Variants in CECR2 observed in about 807,000 individuals in gnomAD.
The protein encoded by CECR2 is chromatin remodeling regulator CECR2.
A neutral mutation model predicts 154.5 loss-of-function variants in CECR2; 30 were observed. The observed-to-expected ratio is 0.19, with a 90% CI of 0.15 to 0.26. CECR2 has a LOEUF of 0.26. Among genes scored for constraint, CECR2 ranks in the 10% least tolerant of loss-of-function variants. The pLI is 1.00. For synonymous variants in CECR2, 725 were observed against 683.7 expected, an observed-to-expected ratio of 1.06 and a Z score of -0.94; for missense variants, 1,743 against 1,829.3, an observed-to-expected ratio of 0.95 and a Z score of 0.86.
chr22:17,441,398 A>G (rs1008581098), intron 1 of CECR2, among the ~76,000 whole-genome samples: 3 of 152,236 alleles, frequency 2.0e-5, no homozygotes, highest in Admixed American at 6.5e-5. Context: ...CTAGGCTGAT[A>G]ATCTTAACAC....
intron 1 of CECR2, among the ~76,000 whole-genome samples, chr22:17,408,571 C>T (rs2054019803): frequency 6.6e-6 from 1 of 152,154 alleles, no homozygotes; most frequent in Admixed American, 6.5e-5. Flanking sequence ...TGCTTTCTCA[C>T]CCAAGATGTT....
intron 1 of CECR2, among the ~76,000 whole-genome samples, chr22:17,405,744 C>T (rs2053975129): frequency 6.6e-6 from 1 of 152,024 alleles, no homozygotes; most frequent in Non-Finnish European, 1.5e-5. Context: ...AAACTCCCCC[C>T]TTTTAGCAAC....
Position 17,553,980 on chromosome 22 carries a change from G to A in CECR2, c.*1140G>A, listed in dbSNP as rs1411796336. On this transcript the variant is annotated 3_prime_UTR_variant, in exon 19 of 19. Coordinates refer to ENST00000262608, the MANE Select transcript of CECR2 (RefSeq NM_001290047.2). The stretch of plus-strand genomic sequence containing the variant: ...CTATAGATTTACAGTTTGAATTTAG[G>A]AATATTTCAGTATATATAGTTTTTA... 1.3e-4 allele frequency: 20 copies of A among 152,174 alleles called. No individual in the cohort carries two copies. The highest frequency in any genetic ancestry group is 2.6e-4 in the Non-Finnish European group (18 of 68,038). The allele number at this position is 152,174 out of a possible 1,614,324, so 9.4% of individuals were successfully genotyped here. A position where few individuals can be genotyped will look rare whatever the true frequency, so the allele number is the denominator to read the frequency against.
intron 1 of CECR2, among the ~76,000 whole-genome samples, chr22:17,471,791 T>A (rs1016824845): frequency 6.6e-6 from 1 of 152,124 alleles, no homozygotes; most frequent in Admixed American, 6.6e-5. Flanking sequence ...TGCCTCAGCC[T>A]CCCAAAGTGC....
chr22:17,549,449 C>G lies in CECR2; in HGVS notation c.4162C>G (p.Pro1388Ala). ...GCCCAACGGCCTCTCTCAGGAGGGT[C>G]CCATCTATCGCTGCCAGGAAGAAGG... is the stretch of plus-strand genomic sequence containing the variant. Reference protein sequence around the residue: ...TQPNGLSQEGPIYRCQEEGLG... With the variant: ...TQPNGLSQEGAIYRCQEEGLG... The change falls in exon 17 of 19, where the codon CCC (proline) becomes GCC (alanine). Residue 1388 changes from proline (P) to alanine (A), a missense_variant. Physicochemically the swap from Pro to Ala is conservative, Grantham distance 27. Transcript: ENST00000262608. 1 of 1,612,492 alleles carries G rather than the reference C, an allele frequency of 6.2e-7. No individual in the cohort carries two copies. The highest frequency in any genetic ancestry group is 8.5e-7 in the Non-Finnish European group (1 of 1,179,244).
intron 1 of CECR2, among the ~76,000 whole-genome samples, chr22:17,385,898 T>G (rs1217416101): frequency 6.6e-6 from 1 of 152,040 alleles, no homozygotes; most frequent in African/African-American, 2.4e-5. Context: ...GAAGAAAGAG[T>G]AGGTGGGACT....
At chr22:17,392,856 A>G (rs2063340122) in intron 1 of CECR2, among the ~76,000 whole-genome samples, 1 of 152,128 alleles carries the variant, frequency 6.6e-6, no homozygotes, top group African/African-American at 2.4e-5. Context: ...CCTGGCCAAC[A>G]TGGTGAAACC....
At chr22:17,379,948 G>GTCCATCTCCAAGTCCTTCTTT (rs2063167342) in intron 1 of CECR2, among the ~76,000 whole-genome samples, 1 of 152,118 alleles carries the variant, frequency 6.6e-6, no homozygotes, top group Non-Finnish European at 1.5e-5. Flanking sequence ...TTCATTGAAT[G>GTCCATCTCCAAGTCCTTCTTT]TCCATCTCCA....
intron 1 of CECR2, among the ~76,000 whole-genome samples, chr22:17,465,674 G>A (rs1331808623): frequency 6.6e-6 from 1 of 151,872 alleles, no homozygotes; most frequent in Non-Finnish European, 1.5e-5. Flanking sequence ...TAGTAGAGAC[G>A]GGGTTTCACC....
chr22:17,480,428 A>ACACACACT (rs2055287829), intron 2 of CECR2, among the ~76,000 whole-genome samples: 1 of 130,202 alleles, frequency 7.7e-6, no homozygotes, highest in South Asian at 2.3e-4. Context: ...ATACACACAC[A>ACACACACT]CACACACACA....
chr22:17,517,207 A>G (rs1313774906), intron 8 of CECR2, among the ~76,000 whole-genome samples: 1 of 152,202 alleles, frequency 6.6e-6, no homozygotes, highest in Non-Finnish European at 1.5e-5. Flanking sequence ...TGTGTGGCAC[A>G]TCCCCCATCG....
chr22:17,382,178 C>T (rs2063205278), intron 1 of CECR2, among the ~76,000 whole-genome samples: 1 of 151,878 alleles, frequency 6.6e-6, no homozygotes, highest in Non-Finnish European at 1.5e-5. Context: ...GCGTGAGCCA[C>T]TGTGCCCGGC....
At chr22:17,486,889 C>G (rs2055430964) in intron 2 of CECR2, among the ~76,000 whole-genome samples, 1 of 152,104 alleles carries the variant, frequency 6.6e-6, no homozygotes, top group Admixed American at 6.5e-5. Context: ...ACACAAATCG[C>G]TGGGCCTCAC....
intron 14 of CECR2, among the ~76,000 whole-genome samples, chr22:17,541,147 A>G (rs1433896471): frequency 6.6e-6 from 1 of 152,164 alleles, no homozygotes; most frequent in Non-Finnish European, 1.5e-5. Context: ...AATGTGGGCA[A>G]AAATTGGGAT....
At chr22:17,389,354 C>T (rs1297027082) in intron 1 of CECR2, among the ~76,000 whole-genome samples, 1 of 152,166 alleles carries the variant, frequency 6.6e-6, no homozygotes, top group Non-Finnish European at 1.5e-5. Flanking sequence ...TGCCTGCCTG[C>T]CTGTCCGGCT....
intron 17 of CECR2, 27 bp downstream of exon 17, chr22:17,549,591 C>T: frequency 6.7e-7 from 1 of 1,486,640 alleles, no homozygotes; most frequent in Non-Finnish European, 9.1e-7. Flanking sequence ...GCTTTTCCCC[C>T]TAAAGAGAGA....
chr22:17,367,104 G>T (rs1047291285), upstream of CECR2, among the ~76,000 whole-genome samples: 13 of 152,180 alleles, frequency 8.5e-5, no homozygotes, highest in Admixed American at 3.3e-4. Context: ...TGCCGTTCCC[G>T]GACAGTCTTG....
At chr22:17,535,785 A>G (rs1237831211) in intron 9 of CECR2, among the ~76,000 whole-genome samples, 1 of 152,162 alleles carries the variant, frequency 6.6e-6, no homozygotes, top group Non-Finnish European at 1.5e-5. Context: ...TGGTGATAGC[A>G]AACTTCTTTT....
chr22:17,401,425 G>A (rs1313569191), intron 1 of CECR2, among the ~76,000 whole-genome samples: 1 of 152,248 alleles, frequency 6.6e-6, no homozygotes, highest in African/African-American at 2.4e-5. Context: ...CCAACGCCAC[G>A]CGAGGGTGTG....
Sources: allele counts gnomAD v4.1 joint callset (sites outside exome capture counted in the v4.1 genomes callset), GRCh38; gene constraint gnomAD v4.1.1; transcripts MANE v1.5; gene names NCBI Gene and HGNC (gene_info 2026-07-23, HGNC 2026-07-21).